CCNY: variants seen among roughly 807,000 people sequenced by gnomAD.
CCNY encodes the protein cyclin-Y.
In CCNY, 19 loss-of-function variants were observed where a neutral mutation model predicts 42.8. The ratio of observed to expected loss-of-function variants is 0.44; its 90% CI spans 0.31 to 0.65. The LOEUF (loss-of-function observed/expected upper bound fraction) is 0.65. Ranked by LOEUF, CCNY falls within the 30% of genes least tolerant of loss-of-function variation. The pLI, the probability that CCNY is intolerant of heterozygous loss-of-function variation, is 0.07. For missense variants in CCNY, 370 were observed against 437.3 expected (o/e 0.85, Z 1.37); for synonymous variants, 165 against 162.7 (o/e 1.01, Z -0.11).
intron 1 of CCNY, among the ~76,000 whole-genome samples, chr10:35,337,656 C>T (rs1564372974): frequency 2.6e-5 from 4 of 152,168 alleles, no homozygotes; most frequent in Admixed American, 1.3e-4. Context: ...TCTCCAACCT[C>T]GAGTTGGAGA....
intron 7 of CCNY, among the ~76,000 whole-genome samples, chr10:35,540,472 A>G (rs1014351209): frequency 6.6e-6 from 1 of 151,806 alleles, no homozygotes; most frequent in Non-Finnish European, 1.5e-5. Context: ...AATTACATCC[A>G]TATTTGTAAG....
chr10:35,533,255 A>G (rs1237947602), intron 7 of CCNY, among the ~76,000 whole-genome samples: 1 of 152,064 alleles, frequency 6.6e-6, no homozygotes, highest in Non-Finnish European at 1.5e-5. Context: ...ATCTGTAGAA[A>G]AATCAGTCAT....
At position 35,437,361 on chromosome 10, in the gene CCNY, C is replaced by T. The variant is rs1359470097; in HGVS notation, c.155-46043C>T. Among the ~76,000 whole-genome samples the T allele has an allele frequency of 2.0e-5, 3 of 152,118 alleles. No individual in the cohort carries two copies. The East Asian group carries it at 5.8e-4, about 29-fold the overall frequency. On this transcript the variant is annotated intron_variant, in intron 1 of 9. Coordinates refer to ENST00000374704, the MANE Select transcript of CCNY (RefSeq NM_145012.6). The stretch of plus-strand genomic sequence containing the variant: ...CCTTAGGATCAACATTCATAGAACA[C>T]TTTGCAATAAATTATTATTTGGCTA...
intron 3 of CCNY, among the ~76,000 whole-genome samples, chr10:35,508,592 C>T (rs1840260972): frequency 6.6e-6 from 1 of 152,118 alleles, no homozygotes; most frequent in Admixed American, 6.5e-5. Context: ...TGCTTCTAGG[C>T]CCATTTAGCA....
chr10:35,269,636 GT>G (rs1166005756), intron 3 of CCNY, among the ~76,000 whole-genome samples: 7 of 99,810 alleles, frequency 7.0e-5, no homozygotes, highest in Non-Finnish European at 8.2e-5. Flanking sequence ...TTTTTGTTTT[GT>G]TTTTTTTTTG....
chr10:35,399,228 C>A (rs1484229577), intron 1 of CCNY, among the ~76,000 whole-genome samples: 2 of 152,060 alleles, frequency 1.3e-5, no homozygotes, highest in Non-Finnish European at 2.9e-5. Context: ...TTTGGATGTT[C>A]CTGTTGAGCA....
intron 2 of CCNY, among the ~76,000 whole-genome samples, chr10:35,497,819 A>G (rs908588267): frequency 6.6e-6 from 1 of 152,054 alleles, no homozygotes; most frequent in Non-Finnish European, 1.5e-5. Context: ...GAAAAGGAGT[A>G]ATTAATTTTA....
rs529594665 is a variant in CCNY at position 35,384,945 on chromosome 10, C to T, written c.154+47738C>T. Among the ~76,000 whole-genome samples, 4 of 152,300 alleles carry T rather than the reference C, an allele frequency of 2.6e-5. No individual in the cohort carries two copies. In the South Asian group the frequency reaches 8.3e-4, roughly 32 times the overall value. On this transcript the variant is annotated intron_variant, in intron 1 of 9. Transcript: ENST00000374704. ...GCCTCAGGAAGTTCCTGCCTGTGCT[C>T]AGGTGACTGATGAGTTCCTTTTGGG...
At chr10:35,526,488 G>A (rs1270451498) in intron 5 of CCNY, among the ~76,000 whole-genome samples, 2 of 151,918 alleles carry the variant, frequency 1.3e-5, no homozygotes, top group African/African-American at 2.4e-5. Context: ...TTAAAACAGG[G>A]AGTGAAAAAA....
intron 1 of CCNY, among the ~76,000 whole-genome samples, chr10:35,390,806 T>C (rs1837397675): frequency 6.6e-6 from 1 of 152,200 alleles, no homozygotes; most frequent in South Asian, 2.1e-4. Context: ...TCCTGTATTA[T>C]TATTATTATT....
intron 1 of CCNY, among the ~76,000 whole-genome samples, chr10:35,437,566 A>G (rs780249994): frequency 1.3e-5 from 2 of 151,728 alleles, no homozygotes; most frequent in African/African-American, 2.4e-5. Flanking sequence ...AGTTGGGAGT[A>G]TTGCTTGAGC....
At chr10:35,279,179 A>T (rs1835272576) in intron 3 of CCNY, among the ~76,000 whole-genome samples, 1 of 147,328 alleles carries the variant, frequency 6.8e-6, no homozygotes. Flanking sequence ...GCAGTGGCAC[A>T]ATTTTGGCTC....
At chr10:35,335,782 A>G (rs972103967), upstream of CCNY, 2 of 152,008 alleles carry the variant, frequency 1.3e-5, no homozygotes, top group East Asian at 1.9e-4. Flanking sequence ...CATCTCTACA[A>G]AAAGTTAACA....
chr10:35,402,759 A>G (rs527458741), intron 1 of CCNY, among the ~76,000 whole-genome samples: 36 of 152,310 alleles, frequency 2.4e-4, no homozygotes, highest in Middle Eastern at 6.8e-3. Flanking sequence ...ATTGGAGGAT[A>G]CCTTGTCACT....
intron 7 of CCNY, among the ~76,000 whole-genome samples, chr10:35,540,527 G>A (rs1201845640): frequency 6.6e-6 from 1 of 151,630 alleles, no homozygotes; most frequent in East Asian, 1.9e-4. Context: ...CAGGGTAATA[G>A]TAGCCTCATA....
intron 1 of CCNY, among the ~76,000 whole-genome samples, chr10:35,361,005 C>G (rs547287322): frequency 1.3e-5 from 2 of 152,192 alleles, no homozygotes; most frequent in South Asian, 4.2e-4. Flanking sequence ...AGATTACAGA[C>G]GCCCACCACC....
rs747156677 is a variant in CCNY, at chr10:35,456,385, AGT to A, written c.155-27017_155-27016del. On this transcript the variant is annotated intron_variant, in intron 1 of 9. Coordinates refer to ENST00000374704, the MANE Select transcript of CCNY (RefSeq NM_145012.6). ...GCCTTATTATTGATTCAGCTGTATA[AGT>A]GAAATGGATTGTTTAAACATTTTTG... is the stretch of plus-strand genomic sequence containing the variant. 3.9e-4 allele frequency among the ~76,000 whole-genome samples: 59 copies of A among 152,232 alleles called. 1 individual carries two copies. The highest frequency in any genetic ancestry group is 1.5e-4 in the Non-Finnish European group (10 of 68,048).
At chr10:35,472,608 G>GATGA (rs752287219) in intron 1 of CCNY, among the ~76,000 whole-genome samples, 6 of 152,136 alleles carry the variant, frequency 3.9e-5, no homozygotes, top group Non-Finnish European at 5.9e-5. Context: ...TGAATGAATG[G>GATGA]ATGAATGAAT....
Position 35,529,972 on chromosome 10 carries a change from G to T in CCNY, c.402-1G>T. On this transcript the variant is annotated splice_acceptor_variant, in intron 5 of 9. Transcript: ENST00000374704. LOFTEE classifies it high-confidence loss of function. ...TCATTTTCTATTATTTTCCCTACCAGGGACCCAGATGGAAGGATGCTCTTA... is the reference window on the plus strand; with the variant it reads ...TCATTTTCTATTATTTTCCCTACCATGGACCCAGATGGAAGGATGCTCTTA... The T allele has an allele frequency of 1.2e-6, 2 of 1,612,702 alleles. No homozygotes were observed. The highest frequency in any genetic ancestry group is 1.7e-6 in the Non-Finnish European group (2 of 1,178,802).
Sources: allele counts gnomAD v4.1 joint callset (sites outside exome capture counted in the v4.1 genomes callset), GRCh38; gene constraint gnomAD v4.1.1; transcripts MANE v1.5; gene names NCBI Gene and HGNC (gene_info 2026-07-23, HGNC 2026-07-21).